Variants in FTCDNL1 observed in about 807,000 individuals in gnomAD.
The protein encoded by FTCDNL1 is formiminotransferase cyclodeaminase N-terminal like, also known as formiminotransferase N-terminal subdomain-containing protein.
A neutral mutation model predicts 5.9 loss-of-function variants in FTCDNL1; 11 were observed. The ratio of observed to expected loss-of-function variants is 1.87; its 90% CI spans 1.18 to 3.10. The LOEUF (loss-of-function observed/expected upper bound fraction) is 3.10, where lower values mean the gene tolerates loss of function less well. Among genes scored for constraint, FTCDNL1 ranks in the 30% most tolerant of loss-of-function variants. FTCDNL1 has a pLI of 0.00. For synonymous variants in FTCDNL1, 58 were observed against 24.8 expected (o/e 2.34, Z -3.99); for missense variants, 115 against 65.5 (o/e 1.76, Z -2.61).
chr2:199,795,250 C>G (rs1700115677), intron 3 of FTCDNL1, among the ~76,000 whole-genome samples: 1 of 152,122 alleles, frequency 6.6e-6, no homozygotes, highest in Admixed American at 6.5e-5. Flanking sequence ...TGTAATTTGT[C>G]TTTTACCCAC....
At chr2:199,838,361 T>C (rs1036820947) in intron 3 of FTCDNL1, among the ~76,000 whole-genome samples, 1 of 152,154 alleles carries the variant, frequency 6.6e-6, no homozygotes, top group African/African-American at 2.4e-5. Flanking sequence ...CCAAGAGAAG[T>C]AGGGACTTCC....
the FTCDNL1 span, among the ~76,000 whole-genome samples, chr2:199,739,156 TTAAG>T: frequency 6.6e-6 from 1 of 152,184 alleles, no homozygotes; most frequent in African/African-American, 2.4e-5. Flanking sequence ...AGACTGTGTT[TTAAG>T]TAAGATTTCA....
the FTCDNL1 span, among the ~76,000 whole-genome samples, chr2:199,735,179 C>G: frequency 1.3e-5 from 2 of 149,668 alleles, no homozygotes; most frequent in African/African-American, 4.9e-5. Context: ...ATGAGATTAT[C>G]CTAGTGGCTA....
the FTCDNL1 span, among the ~76,000 whole-genome samples, chr2:199,711,440 T>A: frequency 1.3e-5 from 2 of 152,082 alleles, no homozygotes; most frequent in South Asian, 4.1e-4. Context: ...TAGAAAAACA[T>A]GTATTAATAC....
chr2:199,781,529 C>A (rs1158677711), intron 3 of FTCDNL1, among the ~76,000 whole-genome samples: 1 of 152,108 alleles, frequency 6.6e-6, no homozygotes, highest in African/African-American at 2.4e-5. Flanking sequence ...TAGATTGACA[C>A]AATAGACCAG....
intron 3 of FTCDNL1, among the ~76,000 whole-genome samples, chr2:199,792,476 AG>A (rs1206175227): frequency 6.6e-6 from 1 of 152,066 alleles, no homozygotes; most frequent in Non-Finnish European, 1.5e-5. Flanking sequence ...TACTATACTT[AG>A]GGGGTTGTAT....
chr2:199,698,957 T>C, the FTCDNL1 span, among the ~76,000 whole-genome samples: 1 of 151,990 alleles, frequency 6.6e-6, no homozygotes. Flanking sequence ...CTCACAGAAA[T>C]AGAAAAAATC....
chr2:199,754,421 C>T, the FTCDNL1 span, among the ~76,000 whole-genome samples: 2 of 152,070 alleles, frequency 1.3e-5, no homozygotes, highest in East Asian at 3.9e-4. Context: ...TTAGAGGCAG[C>T]ATATCAGGGC....
the FTCDNL1 span, among the ~76,000 whole-genome samples, chr2:199,726,596 G>T: frequency 6.6e-6 from 1 of 152,096 alleles, no homozygotes; most frequent in African/African-American, 2.4e-5. Context: ...TGTTGATATT[G>T]TTGTTGTTAT....
chr2:199,816,951 C>T (rs1416499180), intron 4 of FTCDNL1, among the ~76,000 whole-genome samples: 2 of 152,210 alleles, frequency 1.3e-5, no homozygotes, highest in African/African-American at 4.8e-5. Context: ...TTCTATTTTG[C>T]CCGCTGGTGA....
At chr2:199,838,504 G>A (rs1032479008) in intron 3 of FTCDNL1, among the ~76,000 whole-genome samples, 3 of 152,136 alleles carry the variant, frequency 2.0e-5, no homozygotes, top group South Asian at 2.1e-4. Context: ...GGAGGCAATC[G>A]CACTGGAAGC....
chr2:199,692,389 C>A, the FTCDNL1 span, among the ~76,000 whole-genome samples: 4 of 152,274 alleles, frequency 2.6e-5, no homozygotes, highest in Admixed American at 6.5e-5. Context: ...ATCACTATAA[C>A]TCATTAGAAT....
chr2:199,784,392 T>C (rs1355900503), intron 3 of FTCDNL1, among the ~76,000 whole-genome samples: 1 of 152,162 alleles, frequency 6.6e-6, no homozygotes, highest in Admixed American at 6.5e-5. Flanking sequence ...CTCTCAGTGC[T>C]CTATCTCACA....
chr2:199,781,825 G>T (rs1699379664), intron 3 of FTCDNL1, among the ~76,000 whole-genome samples: 1 of 152,072 alleles, frequency 6.6e-6, no homozygotes, highest in Admixed American at 6.5e-5. Flanking sequence ...TGTCGCCCAG[G>T]CTAGCATGCA....
chr2:199,725,784 G>T, the FTCDNL1 span, among the ~76,000 whole-genome samples: 1 of 152,122 alleles, frequency 6.6e-6, no homozygotes, highest in Non-Finnish European at 1.5e-5. Flanking sequence ...CCCTTTGTAG[G>T]TGACCTGGCC....
chr2:199,678,237 C>T, the FTCDNL1 span, among the ~76,000 whole-genome samples: 1 of 151,916 alleles, frequency 6.6e-6, no homozygotes, highest in Non-Finnish European at 1.5e-5. Context: ...GGCTTGTGGA[C>T]CTCACAAAAC....
chr2:199,760,542 T>C, downstream of FTCDNL1: 1 of 425,636 alleles, frequency 2.3e-6, no homozygotes, highest in Non-Finnish European at 4.3e-6. Context: ...CAAATTATTT[T>C]TGAAAAACAG....
At chr2:199,844,838 ATTAAT>A (rs1436647244) in intron 3 of FTCDNL1, among the ~76,000 whole-genome samples, 1 of 152,160 alleles carries the variant, frequency 6.6e-6, no homozygotes, top group African/African-American at 2.4e-5. Flanking sequence ...ATTGTCTCCA[ATTAAT>A]TTAATCAAAT....
chr2:199,706,097 T>C, the FTCDNL1 span, among the ~76,000 whole-genome samples: 1 of 152,202 alleles, frequency 6.6e-6, no homozygotes, highest in Non-Finnish European at 1.5e-5. Context: ...GCCTTAAGTC[T>C]TCCTGCTGAT....
Sources: gnomAD v4.1 joint callset for allele counts (sites outside exome capture counted in the v4.1 genomes callset) on GRCh38, gnomAD v4.1.1 for gene constraint, MANE v1.5 for transcripts, NCBI Gene and HGNC (gene_info 2026-07-23, HGNC 2026-07-21) for gene names.